Variants in ADK observed in about 807,000 individuals in gnomAD.
ADK encodes the protein adenosine kinase, also known as N6,N6-dimethyladenosine kinase.
ADK carries 24 observed loss-of-function variants against 44.7 expected under a neutral mutation model. The ratio of observed to expected loss-of-function variants is 0.54; its 90% CI spans 0.39 to 0.76. The LOEUF (loss-of-function observed/expected upper bound fraction) is 0.76, where lower values mean the gene tolerates loss of function less well. Among genes scored for constraint, ADK ranks in the 30% least tolerant of loss-of-function variants. ADK has a pLI of 0.00. For synonymous variants in ADK, 128 were observed against 142.6 expected (o/e 0.90, Z 0.73); for missense variants, 321 against 425.1 (o/e 0.76, Z 2.15).
At chr10:74,595,700 AAATAG>A (rs1851894341) in intron 8 of ADK, among the ~76,000 whole-genome samples, 2 of 30 alleles carry the variant, frequency 0.067, no homozygotes, top group East Asian at 0.5. Context: ...CAGATTAAAA[AAATAG>A]GCTATATGGC....
chr10:74,541,592 A>G (rs114645650), intron 7 of ADK, among the ~76,000 whole-genome samples: 244 of 152,228 alleles, frequency 1.6e-3, no homozygotes, highest in African/African-American at 5.5e-3. Flanking sequence ...TAGGAATACC[A>G]TAGAAACAGC....
chr10:74,464,931 A>G (rs1192058685), intron 6 of ADK, among the ~76,000 whole-genome samples: 1 of 152,192 alleles, frequency 6.6e-6, no homozygotes, highest in Non-Finnish European at 1.5e-5. Context: ...ATTTATTCCT[A>G]TTAAAGGAAT....
intron 9 of ADK, among the ~76,000 whole-genome samples, chr10:74,618,471 A>G (rs1852858965): frequency 6.6e-6 from 1 of 151,898 alleles, no homozygotes; most frequent in Non-Finnish European, 1.5e-5. Flanking sequence ...TTGTGTTTTT[A>G]TTAGAGACAG....
chr10:74,655,895 T>C, intron 9 of ADK: 1 of 654,480 alleles, frequency 1.5e-6, no homozygotes, highest in Non-Finnish European at 2.9e-6. Flanking sequence ...CTACCCTAGC[T>C]GACCTGACAG....
chr10:74,302,811 A>G (rs987164112), intron 3 of ADK, among the ~76,000 whole-genome samples: 3 of 151,912 alleles, frequency 2.0e-5, no homozygotes, highest in African/African-American at 7.3e-5. Flanking sequence ...AAGGAAACGA[A>G]TTTATATTCC....
At position 74,528,547 on chromosome 10, in the gene ADK, T is replaced by G. The variant is rs116555811; in HGVS notation, c.726+3121T>G. On this transcript the variant is annotated intron_variant, in intron 7 of 10. Transcript: ENST00000539909. ...AGACATCATCAAAATTAACAATTTT[T>G]GGGCATCGAAGGACACTAACAAGAA... 9.4e-3 allele frequency among the ~76,000 whole-genome samples: 1,422 copies of G among 151,958 alleles called. 23 individuals are homozygous for G. The highest frequency in any genetic ancestry group is 0.032 in the African/African-American group (1,318 of 41,480).
intron 7 of ADK, among the ~76,000 whole-genome samples, chr10:74,543,518 C>T (rs775876569): frequency 1.3e-5 from 2 of 152,144 alleles, no homozygotes; most frequent in Admixed American, 6.5e-5. Context: ...AGAGGTATTT[C>T]TTCAGAGTAA....
intron 10 of ADK, among the ~76,000 whole-genome samples, chr10:74,695,667 G>A (rs145721889): frequency 3.0e-4 from 43 of 145,214 alleles, no homozygotes; most frequent in African/African-American, 1.0e-3. Context: ...TGAAGATCTC[G>A]CACTGTTGCC....
At chr10:74,378,913 C>G (rs1842896177) in intron 4 of ADK, among the ~76,000 whole-genome samples, 1 of 151,766 alleles carries the variant, frequency 6.6e-6, no homozygotes. Context: ...CTAGCCTGGA[C>G]AACATAGCAA....
At chr10:74,158,803 T>C (rs1841821002) in intron 1 of ADK, among the ~76,000 whole-genome samples, 2 of 152,376 alleles carry the variant, frequency 1.3e-5, no homozygotes, top group South Asian at 4.1e-4. Flanking sequence ...TCTGCACTTC[T>C]ATGATACTAA....
At chr10:74,586,382 AC>A (rs1450085361) in intron 7 of ADK, among the ~76,000 whole-genome samples, 3 of 152,148 alleles carry the variant, frequency 2.0e-5, no homozygotes, top group African/African-American at 7.2e-5. Context: ...AATTGAGTTG[AC>A]TTTTTTTAAG....
At chr10:74,410,431 C>T (rs549791351) in intron 6 of ADK, among the ~76,000 whole-genome samples, 8 of 152,120 alleles carry the variant, frequency 5.3e-5, no homozygotes, top group Middle Eastern at 3.4e-3. Context: ...TCCAGCCCTT[C>T]GGGAGGCTGA....
chr10:74,210,551 G>C (rs190654525), intron 2 of ADK, among the ~76,000 whole-genome samples: 2 of 152,030 alleles, frequency 1.3e-5, no homozygotes, highest in Admixed American at 1.3e-4. Flanking sequence ...AGCTACTTGG[G>C]AGGCTTTAGC....
At chr10:74,602,648 T>A (rs1235237174) in intron 9 of ADK, among the ~76,000 whole-genome samples, 2 of 152,252 alleles carry the variant, frequency 1.3e-5, no homozygotes, top group Non-Finnish European at 2.9e-5. Context: ...TAATCTTTGC[T>A]GTTCCTACCA....
In ADK at chr10:74,525,162, A is replaced by G. The variant is rs973755909; in HGVS notation, c.556-94A>G. ...CTTGCATCTTATAATTGTATTTTATATACTTTTGTATTTTGTATAGGTTTC... is the reference window on the plus strand; with the variant it reads ...CTTGCATCTTATAATTGTATTTTATGTACTTTTGTATTTTGTATAGGTTTC... On this transcript the variant is annotated intron_variant, in intron 6 of 10. Transcript: ENST00000539909. The G allele has an allele frequency of 1.6e-5, 19 of 1,219,228 alleles. No individual in the cohort carries two copies. The African/African-American group carries it at 2.0e-4, about 13-fold the overall frequency. 75.5% of individuals were successfully genotyped at this position (1,219,228 alleles called of 1,614,324 possible).
chr10:74,592,648 C>A (rs991278594), intron 8 of ADK, among the ~76,000 whole-genome samples: 7 of 152,030 alleles, frequency 4.6e-5, no homozygotes, highest in African/African-American at 1.4e-4. Context: ...CAATCCTTTT[C>A]GCCTTTTTCA....
At position 74,553,030 on chromosome 10, in the gene ADK, T is replaced by A. The variant is rs554964485; in HGVS notation, c.726+27604T>A. The stretch of plus-strand genomic sequence containing the variant: ...AAAACTGTATGGTAGTTTTTTATTT[T>A]TTTTTTCCTGGTAAAAATTAACCGT... On this transcript the variant is annotated intron_variant, in intron 7 of 10. Transcript: ENST00000539909. Among the ~76,000 whole-genome samples the A allele has an allele frequency of 2.2e-4, 34 of 152,102 alleles. 2 individuals are homozygous for A. In the South Asian group the frequency reaches 6.6e-3, roughly 30 times the overall value.
intron 6 of ADK, among the ~76,000 whole-genome samples, chr10:74,444,953 T>C (rs1845544940): frequency 6.6e-6 from 1 of 152,062 alleles, no homozygotes. Flanking sequence ...AAGGTGTAGG[T>C]TAGAAAAGAA....
intron 3 of ADK, among the ~76,000 whole-genome samples, chr10:74,267,338 A>G (rs1231402758): frequency 6.6e-6 from 1 of 152,140 alleles, no homozygotes; most frequent in Non-Finnish European, 1.5e-5. Flanking sequence ...TTTTGGATCT[A>G]TGGGTTCAAC....
Sources: gnomAD v4.1 joint callset for allele counts (sites outside exome capture counted in the v4.1 genomes callset) on GRCh38, gnomAD v4.1.1 for gene constraint, MANE v1.5 for transcripts, NCBI Gene and HGNC (gene_info 2026-07-23, HGNC 2026-07-21) for gene names.